PTPRD: variants seen among roughly 807,000 people sequenced by gnomAD.
The protein encoded by PTPRD is receptor-type tyrosine-protein phosphatase delta.
In PTPRD, 34 loss-of-function variants were observed where a neutral mutation model predicts 214.5. The observed-to-expected ratio is 0.16, with a 90% CI of 0.12 to 0.21. PTPRD has a LOEUF of 0.21. Ranked by LOEUF, PTPRD falls within the 10% of genes least tolerant of loss-of-function variation. The pLI, the probability that PTPRD is intolerant of heterozygous loss-of-function variation, is 1.00. For missense variants in PTPRD, 2,545 were observed against 2,398.7 expected (o/e 1.06, Z -1.27); for synonymous variants, 1,128 against 845.7 (o/e 1.33, Z -5.79).
chr9:8,711,075 A>C (rs574611943), intron 12 of PTPRD, among the ~76,000 whole-genome samples: 1 of 152,272 alleles, frequency 6.6e-6, no homozygotes, highest in African/African-American at 2.4e-5. Context: ...AATTTATAGT[A>C]ACATTTAATG....
At chr9:9,099,535 G>C (rs907311450) in intron 10 of PTPRD, among the ~76,000 whole-genome samples, 2 of 152,126 alleles carry the variant, frequency 1.3e-5, no homozygotes, top group African/African-American at 2.4e-5. Flanking sequence ...ATCTTCTTCA[G>C]TGTCAAAGCC....
intron 10 of PTPRD, among the ~76,000 whole-genome samples, chr9:9,119,785 A>G (rs541812027): frequency 4.6e-5 from 7 of 151,696 alleles, no homozygotes; most frequent in Non-Finnish European, 1.0e-4. Flanking sequence ...CAGCCTCCCA[A>G]AGTGCTAGGA....
chr9:9,353,900 A>G (rs1344953231), intron 9 of PTPRD, among the ~76,000 whole-genome samples: 1 of 151,828 alleles, frequency 6.6e-6, no homozygotes, highest in Non-Finnish European at 1.5e-5. Flanking sequence ...GCTGTGAGTC[A>G]TCTAGAAGCT....
intron 8 of PTPRD, among the ~76,000 whole-genome samples, chr9:9,531,330 T>C (rs558541009): frequency 2.0e-5 from 3 of 152,140 alleles, no homozygotes; most frequent in Admixed American, 1.3e-4. Context: ...GACAAGGAAA[T>C]TGAGGGCTGA....
chr9:10,228,226 A>T (rs142716761), intron 3 of PTPRD, among the ~76,000 whole-genome samples: 3 of 152,166 alleles, frequency 2.0e-5, no homozygotes, highest in African/African-American at 7.2e-5. Flanking sequence ...AAATGACTGT[A>T]CAAGTAATGG....
At chr9:9,206,525 G>C (rs1345505226) in intron 9 of PTPRD, among the ~76,000 whole-genome samples, 2 of 152,136 alleles carry the variant, frequency 1.3e-5, no homozygotes, top group East Asian at 3.9e-4. Context: ...TGCCAAAAGA[G>C]ATTAACATGT....
intron 7 of PTPRD, among the ~76,000 whole-genome samples, chr9:9,591,650 T>C (rs2092742931): frequency 6.6e-6 from 1 of 152,080 alleles, no homozygotes. Flanking sequence ...GCTATGTATT[T>C]TTCTGGCACT....
intron 8 of PTPRD, among the ~76,000 whole-genome samples, chr9:9,452,317 C>A (rs2145336195): frequency 6.6e-6 from 1 of 151,452 alleles, no homozygotes; most frequent in Admixed American, 6.6e-5. Flanking sequence ...TTAAAAATAT[C>A]TTTTAAAACT....
At chr9:9,203,521 T>G (rs1182825314) in intron 9 of PTPRD, among the ~76,000 whole-genome samples, 1 of 152,206 alleles carries the variant, frequency 6.6e-6, no homozygotes, top group East Asian at 1.9e-4. Context: ...TCATTAACTC[T>G]GTCCCTGAGG....
intron 8 of PTPRD, among the ~76,000 whole-genome samples, chr9:9,573,354 T>G (rs998545561): frequency 3.3e-5 from 5 of 151,404 alleles, no homozygotes; most frequent in African/African-American, 9.7e-5. Context: ...TTGCTTATGC[T>G]CTATAGGTTT....
intron 8 of PTPRD, among the ~76,000 whole-genome samples, chr9:9,487,323 T>C (rs923665668): frequency 6.6e-6 from 1 of 152,064 alleles, no homozygotes; most frequent in Admixed American, 6.5e-5. Context: ...TAGTTTTTTG[T>C]CCTTGCGATA....
intron 8 of PTPRD, among the ~76,000 whole-genome samples, chr9:9,413,100 CTT>C (rs5896325): frequency 2.1e-4 from 13 of 63,026 alleles, no homozygotes; most frequent in African/African-American, 4.1e-4. Context: ...CTTGCAGCTT[CTT>C]TTTTTTTTTT....
chr9:9,629,238 G>GTGTATATATATATATATA (rs149327972), intron 7 of PTPRD, among the ~76,000 whole-genome samples: 5,079 of 139,746 alleles, frequency 0.036, 100 homozygotes, highest in Middle Eastern at 0.078. Context: ...GTGTGTGTGT[G>GTGTATATATATATATATA]TATATATATA....
chr9:9,478,688 A>G (rs1318792729), intron 8 of PTPRD, among the ~76,000 whole-genome samples: 1 of 152,212 alleles, frequency 6.6e-6, no homozygotes, highest in Non-Finnish European at 1.5e-5. Flanking sequence ...GTATTGAATA[A>G]TATTAAAGTT....
intron 2 of PTPRD, among the ~76,000 whole-genome samples, chr9:10,432,839 C>T (rs189124023): frequency 6.6e-6 from 1 of 152,058 alleles, no homozygotes; most frequent in African/African-American, 2.4e-5. Flanking sequence ...ACTCCTATTT[C>T]CCGAGGATGA....
At position 8,518,403 on chromosome 9, in the gene PTPRD, C is replaced by T. The variant is rs2097824202; in HGVS notation, c.988G>A (p.Val330Ile). ...KALPKPPGTP[V>I]VTESTATSIT... ...CTTGTAGCTGTGCTCTCGGTCACTA[C>T]AGGAGTTCCTGGAGGTTTGGGTAAG... is the stretch of plus-strand genomic sequence containing the variant. The change falls in exon 21 of 46, where the codon GTA becomes ATA. Residue 330 changes from valine (V) to isoleucine (I), a missense_variant. Physicochemically the swap from Val to Ile is conservative, Grantham distance 29. Transcript: ENST00000381196. The T allele has an allele frequency of 1.2e-6, 2 of 1,608,930 alleles. No individual in the cohort carries two copies. The highest frequency in any genetic ancestry group is 1.7e-6 in the Non-Finnish European group (2 of 1,177,800).
intron 3 of PTPRD, among the ~76,000 whole-genome samples, chr9:10,296,515 C>T (rs958849936): frequency 2.0e-5 from 3 of 152,018 alleles, no homozygotes; most frequent in South Asian, 2.1e-4. Context: ...ACCCCTAACT[C>T]GAGTCAGTTA....
intron 3 of PTPRD, among the ~76,000 whole-genome samples, chr9:10,040,717 A>G (rs2097282039): frequency 6.6e-6 from 1 of 152,104 alleles, no homozygotes; most frequent in African/African-American, 2.4e-5. Context: ...TCTTTTAAAA[A>G]TGAGAGAGAA....
intron 2 of PTPRD, among the ~76,000 whole-genome samples, chr9:10,367,043 T>C (rs2097529753): frequency 6.6e-6 from 1 of 150,962 alleles, no homozygotes; most frequent in Non-Finnish European, 1.5e-5. Flanking sequence ...GTATACATAG[T>C]TTATTTTCAC....
Sources: gnomAD v4.1 joint callset for allele counts (sites outside exome capture counted in the v4.1 genomes callset) on GRCh38, gnomAD v4.1.1 for gene constraint, MANE v1.5 for transcripts, NCBI Gene and HGNC (gene_info 2026-07-23, HGNC 2026-07-21) for gene names.